Variants in PRKCA observed in about 807,000 individuals in gnomAD.
PRKCA encodes protein kinase C alpha, also known as protein kinase C alpha type.
A neutral mutation model predicts 87.0 loss-of-function variants in PRKCA; 27 were observed. That is an observed-to-expected ratio of 0.31 (90% confidence interval 0.23 to 0.43). The LOEUF (loss-of-function observed/expected upper bound fraction) is 0.43. PRKCA is among the 20% of genes least tolerant of loss of function. The probability of loss-of-function intolerance (pLI) is 1.00; values close to 1 mark genes in which losing one functional copy is unlikely to be tolerated. For synonymous variants in PRKCA, 329 were observed against 311.1 expected, an observed-to-expected ratio of 1.06 and a Z score of -0.61; for missense variants, 518 against 852.3, an observed-to-expected ratio of 0.61 and a Z score of 4.88.
intron 8 of PRKCA, among the ~76,000 whole-genome samples, chr17:66,726,438 G>A (rs754342243): frequency 9.9e-5 from 15 of 152,162 alleles, no homozygotes; most frequent in Admixed American, 3.3e-4. Context: ...AGGTGGCAAC[G>A]GTTTCCGGGA....
intron 3 of PRKCA, among the ~76,000 whole-genome samples, chr17:66,499,906 G>A (rs1916654477): frequency 6.6e-6 from 1 of 152,156 alleles, no homozygotes; most frequent in African/African-American, 2.4e-5. Flanking sequence ...CTGACTCCCA[G>A]TGTCAGACAT....
intron 3 of PRKCA, among the ~76,000 whole-genome samples, chr17:66,510,703 G>T (rs1917186655): frequency 6.6e-6 from 1 of 152,136 alleles, no homozygotes; most frequent in Non-Finnish European, 1.5e-5. Context: ...TTGTTCATGA[G>T]AAATTGTTAT....
At chr17:66,720,203 C>T (rs905538455) in intron 8 of PRKCA, among the ~76,000 whole-genome samples, 3 of 152,248 alleles carry the variant, frequency 2.0e-5, no homozygotes, top group Non-Finnish European at 4.4e-5. Context: ...GCTAAAGCAT[C>T]CTTTGAGCAG....
chr17:66,796,390 C>A, intron 16 of PRKCA: 4 of 971,298 alleles, frequency 4.1e-6, no homozygotes, highest in Non-Finnish European at 4.9e-6. Context: ...TCTGGACTTG[C>A]AAGGCCAGGA....
At chr17:66,624,543 G>T (rs1970789229) in intron 3 of PRKCA, among the ~76,000 whole-genome samples, 1 of 152,194 alleles carries the variant, frequency 6.6e-6, no homozygotes, top group Non-Finnish European at 1.5e-5. Flanking sequence ...GCTCACACTT[G>T]TAATCCCAGC....
At position 66,589,248 on chromosome 17, in the gene PRKCA, C is replaced by G. The variant is rs1239727334; in HGVS notation, c.289-52107C>G. On this transcript the variant is annotated intron_variant, in intron 3 of 16. Transcript: ENST00000413366. Reference sequence around the variant, plus strand: ...AACCCACCAAAAAGCACAATTCTGTCCACCAAGAGATAACGGCTGTTAGTA... The same window carrying G: ...AACCCACCAAAAAGCACAATTCTGTGCACCAAGAGATAACGGCTGTTAGTA... Among the ~76,000 whole-genome samples, 6 of 152,056 alleles carry G rather than the reference C, an allele frequency of 3.9e-5. 1 individual carries two copies. The highest frequency in any genetic ancestry group is 1.4e-4 in the African/African-American group (6 of 41,392).
chr17:66,341,763 T>C (rs1280629085), intron 2 of PRKCA, among the ~76,000 whole-genome samples: 1 of 152,248 alleles, frequency 6.6e-6, no homozygotes, highest in Non-Finnish European at 1.5e-5. Flanking sequence ...TGGTTATCTT[T>C]AGAATACTGT....
At chr17:66,753,067 C>T (rs1192085688) in intron 13 of PRKCA, among the ~76,000 whole-genome samples, 3 of 152,206 alleles carry the variant, frequency 2.0e-5, no homozygotes, top group African/African-American at 7.2e-5. Context: ...TTGCCAAAAT[C>T]ATTTTACATT....
chr17:66,707,959 C>G (rs1182645457), intron 8 of PRKCA, among the ~76,000 whole-genome samples: 3 of 152,198 alleles, frequency 2.0e-5, no homozygotes, highest in African/African-American at 4.8e-5. Flanking sequence ...TTATAGGCAG[C>G]TAGAACCACA....
At chr17:66,619,109 A>C (rs899217300) in intron 3 of PRKCA, among the ~76,000 whole-genome samples, 4 of 152,184 alleles carry the variant, frequency 2.6e-5, no homozygotes, top group Non-Finnish European at 5.9e-5. Context: ...TGGCAATCCA[A>C]GTCAGCTGGA....
chr17:66,305,818 C>G (rs1424881245), intron 1 of PRKCA, among the ~76,000 whole-genome samples: 1 of 152,052 alleles, frequency 6.6e-6, no homozygotes, highest in African/African-American at 2.4e-5. Context: ...ATGTTCTTGT[C>G]TTGAAATTTT....
chr17:66,507,611 G>A (rs545670060), intron 3 of PRKCA, among the ~76,000 whole-genome samples: 7 of 152,284 alleles, frequency 4.6e-5, no homozygotes, highest in South Asian at 4.1e-4. Flanking sequence ...TGATGGGACC[G>A]GGTGGGAGCT....
chr17:66,711,056 TAAAA>T (rs1389987223), intron 8 of PRKCA, among the ~76,000 whole-genome samples: 3 of 151,240 alleles, frequency 2.0e-5, no homozygotes. Flanking sequence ...AATAAATAAA[TAAAA>T]TAAATAAATA....
chr17:66,618,158 C>T (rs1183818192), intron 3 of PRKCA, among the ~76,000 whole-genome samples: 1 of 151,996 alleles, frequency 6.6e-6, no homozygotes, highest in Non-Finnish European at 1.5e-5. Flanking sequence ...AGTTCGAGAC[C>T]AGCCTGACCA....
chr17:66,400,861 A>G (rs902420738), intron 2 of PRKCA, among the ~76,000 whole-genome samples: 6 of 152,204 alleles, frequency 3.9e-5, no homozygotes, highest in Non-Finnish European at 5.9e-5. Flanking sequence ...ATGGTTATAA[A>G]CGAATATTGT....
At chr17:66,659,849 G>A (rs907873199) in intron 5 of PRKCA, among the ~76,000 whole-genome samples, 5 of 152,218 alleles carry the variant, frequency 3.3e-5, no homozygotes, top group African/African-American at 7.2e-5. Context: ...AGAAACTGAG[G>A]CGTTTATTGC....
chr17:66,353,572 C>T (rs552338934), intron 2 of PRKCA, among the ~76,000 whole-genome samples: 170 of 152,148 alleles, frequency 1.1e-3, no homozygotes, highest in Middle Eastern at 3.4e-3. Context: ...AAAAATTAGC[C>T]GGGTGTGGTG....
chr17:66,761,021 G>A (rs1974670382), intron 13 of PRKCA, among the ~76,000 whole-genome samples: 1 of 152,148 alleles, frequency 6.6e-6, no homozygotes, highest in Admixed American at 6.5e-5. Flanking sequence ...ATTACTATTA[G>A]AGAGATCATT....
rs114413882 is a variant in PRKCA, at chr17:66,467,444, A to T, written c.206-28757A>T. 4.2e-3 allele frequency among the ~76,000 whole-genome samples: 633 copies of T among 152,280 alleles called. 9 individuals are homozygous for T. Among genetic ancestry groups the T allele is most frequent in the African/African-American group, 0.015 (611 of 41,566 alleles). ...TTGACTAAATAATAGCTTAGTTTTC[A>T]TTGTGAACAAAATGCTTGTTTAGCT... On this transcript the variant is annotated intron_variant, in intron 2 of 16. Transcript: ENST00000413366.
Sources: allele counts gnomAD v4.1 joint callset (sites outside exome capture counted in the v4.1 genomes callset), GRCh38; gene constraint gnomAD v4.1.1; transcripts MANE v1.5; gene names NCBI Gene and HGNC (gene_info 2026-07-23, HGNC 2026-07-21).